RORB: variants seen among roughly 807,000 people sequenced by gnomAD.
RORB encodes RAR related orphan receptor B.
Under a neutral mutation model 59.1 loss-of-function variants are expected in RORB, and 6 were observed. The observed-to-expected ratio is 0.10, with a 90% CI of 0.06 to 0.20. The LOEUF is 0.20. Among genes scored for constraint, RORB ranks in the 10% least tolerant of loss-of-function variants. The pLI, the probability that RORB is intolerant of heterozygous loss-of-function variation, is 1.00. For missense variants in RORB, 320 were observed against 560.5 expected, an observed-to-expected ratio of 0.57 and a Z score of 4.33; for synonymous variants, 215 against 204.5, an observed-to-expected ratio of 1.05 and a Z score of -0.44.
At chr9:74,573,119 C>T (rs1822577677) in intron 1 of RORB, among the ~76,000 whole-genome samples, 1 of 152,144 alleles carries the variant, frequency 6.6e-6, no homozygotes, top group African/African-American at 2.4e-5. Context: ...TTACTGAAGA[C>T]TAGACAGTTT....
chr9:74,648,875 C>T (rs1019734630), intron 4 of RORB, among the ~76,000 whole-genome samples: 3 of 152,106 alleles, frequency 2.0e-5, no homozygotes, highest in African/African-American at 7.2e-5. Context: ...CGCTTTAGGG[C>T]AAACGCACCT....
At position 74,582,649 on chromosome 9, in the gene RORB, G is replaced by C. The variant is rs563317332; in HGVS notation, c.8-47633G>C. On this transcript the variant is annotated intron_variant, in intron 1 of 9. Transcript: ENST00000376896. ...GGTGGCCCTCTGAGTCTGCATTCTT[G>C]CTTAGCAACAATCAGCTGGATCTGA... 1.2e-4 allele frequency among the ~76,000 whole-genome samples: 18 copies of C among 152,168 alleles called. No individual in the cohort carries two copies. In the Middle Eastern group the frequency reaches 0.01, roughly 86 times the overall value.
At chr9:74,508,093 C>T (rs1825892292) in intron 1 of RORB, among the ~76,000 whole-genome samples, 1 of 151,934 alleles carries the variant, frequency 6.6e-6, no homozygotes, top group African/African-American at 2.4e-5. Flanking sequence ...TTTTTCCCCA[C>T]TTAAATGCTG....
chr9:74,639,757 G>A (rs1055566524), intron 3 of RORB, among the ~76,000 whole-genome samples: 3 of 152,202 alleles, frequency 2.0e-5, no homozygotes, highest in Non-Finnish European at 2.9e-5. Flanking sequence ...AGGGCAGAAG[G>A]GCAGCAAATA....
At chr9:74,642,921 G>T in intron 4 of RORB, 106 bp downstream of exon 4, 4 of 756,360 alleles carry the variant, frequency 5.3e-6, no homozygotes, top group African/African-American at 1.8e-5. Context: ...TGAATTACTT[G>T]GATTCACAGC....
intron 1 of RORB, among the ~76,000 whole-genome samples, chr9:74,598,383 G>GTT (rs1823005179): frequency 2.0e-5 from 3 of 152,118 alleles, no homozygotes; most frequent in African/African-American, 7.2e-5. Flanking sequence ...TCGATCTGCA[G>GTT]TTCAGAGAAA....
intron 2 of RORB, 139 bp from the exon 3 acceptor site, chr9:74,634,492 A>G: frequency 1.4e-6 from 1 of 690,758 alleles, no homozygotes; most frequent in Non-Finnish European, 2.3e-6. Flanking sequence ...TGCAAGCCAT[A>G]CAAGAAGAGG....
In RORB at chr9:74,690,224, A is replaced by C. The variant is rs1481929365; in HGVS notation, c.*4606A>C. On this transcript the variant is annotated 3_prime_UTR_variant, in exon 10 of 10. Transcript: ENST00000376896. Reference sequence around the variant, plus strand: ...GAGTAAAGGCCTGATGTGGGAAACTATGGGGGGTCTTTCAAAAAAAAGCTG... The same window carrying C: ...GAGTAAAGGCCTGATGTGGGAAACTCTGGGGGGTCTTTCAAAAAAAAGCTG... The C allele has an allele frequency of 6.6e-6, 1 of 152,124 alleles. No individual in the cohort carries two copies. The highest frequency in any genetic ancestry group is 1.5e-5 in the Non-Finnish European group (1 of 68,070). The allele number at this position is 152,124 out of a possible 1,614,324, so 9.4% of individuals were successfully genotyped here. A position where few individuals can be genotyped will look rare whatever the true frequency, so the allele number is the denominator to read the frequency against.
chr9:74,517,995 T>C (rs1310047597), intron 1 of RORB, among the ~76,000 whole-genome samples: 3 of 152,030 alleles, frequency 2.0e-5, no homozygotes, highest in Non-Finnish European at 2.9e-5. Context: ...AAGTCATTTG[T>C]CCAAAGTTAC....
rs757209903 is a variant in RORB at position 74,497,955 on chromosome 9, G to A, written c.-22G>A. The A allele has an allele frequency of 5.6e-6, 9 of 1,611,798 alleles. No individual in the cohort carries two copies. In the Admixed American group the frequency reaches 6.7e-5, roughly 12 times the overall value. On this transcript the variant is annotated 5_prime_UTR_variant, in exon 1 of 10. Transcript: ENST00000376896. ...GCTGGGAGCAGCTTCATGACTACGC[G>A]GAGCGGGAGAGCGGCCACACCATGC... is the stretch of plus-strand genomic sequence containing the variant.
At chr9:74,673,548 T>C (rs988030615) in intron 9 of RORB, among the ~76,000 whole-genome samples, 19 of 152,070 alleles carry the variant, frequency 1.2e-4, no homozygotes, top group Non-Finnish European at 2.6e-4. Context: ...CCTAGGAGGG[T>C]AAAATGTTTA....
intron 1 of RORB, among the ~76,000 whole-genome samples, chr9:74,541,457 A>G (rs996572520): frequency 2.6e-4 from 39 of 152,234 alleles, no homozygotes; most frequent in African/African-American, 9.4e-4. Context: ...ACTTAGAGTG[A>G]TGTGCATAGT....
At chr9:74,613,260 C>T (rs1478881438) in intron 1 of RORB, among the ~76,000 whole-genome samples, 2 of 152,200 alleles carry the variant, frequency 1.3e-5, no homozygotes, top group Non-Finnish European at 2.9e-5. Context: ...TGATTTCAGA[C>T]ATGAGTAGCC....
rs532107689 is a variant in RORB at position 74,600,712 on chromosome 9, G to C, written c.8-29570G>C. Among the ~76,000 whole-genome samples, 27 of 152,266 alleles carry C rather than the reference G, an allele frequency of 1.8e-4. 1 individual carries two copies. In the South Asian group the frequency reaches 5.4e-3, roughly 30 times the overall value. On this transcript the variant is annotated intron_variant, in intron 1 of 9. Coordinates refer to ENST00000376896, the MANE Select transcript of RORB (RefSeq NM_006914.4). The stretch of plus-strand genomic sequence containing the variant: ...TTAGAGTTAACAACATTAATATATT[G>C]AAATTTTTTCTTGAAGTATAAGTCC...
At chr9:74,553,916 A>G (rs569638672) in intron 1 of RORB, among the ~76,000 whole-genome samples, 1 of 152,314 alleles carries the variant, frequency 6.6e-6, no homozygotes, top group Admixed American at 6.5e-5. Flanking sequence ...TAGAACTTGA[A>G]GATCTCTTGG....
chr9:74,667,918 T>A lies in RORB; in HGVS notation c.1111+17T>A. 6.7e-7 allele frequency: 1 copy of A among 1,486,312 alleles called. No individual in the cohort carries two copies. Among genetic ancestry groups the A allele is most frequent in the South Asian group, 1.1e-5 (1 of 88,566 alleles). 92.1% of individuals were successfully genotyped at this position (1,486,312 alleles called of 1,614,324 possible). On this transcript the variant is annotated intron_variant, in intron 8 of 9. Transcript: ENST00000376896. ...TATCTCCAGGTAGGGCAGTCTCAGT[T>A]CTCTTACCTTTTTAAAAAACTTGTT...
rs766539793 is a variant in RORB, at chr9:74,642,666, C to G, written c.488C>G (p.Pro163Arg). The G allele has an allele frequency of 7.4e-6, 12 of 1,614,176 alleles. No individual in the cohort carries two copies. Among genetic ancestry groups the G allele is most frequent in the Middle Eastern group, 1.6e-4 (1 of 6,062 alleles). Residue 163 changes from proline to arginine, a missense_variant, in exon 4 of 10, where the codon CCG becomes CGG. By Grantham distance (103) the Pro-to-Arg change is moderately radical. Transcript: ENST00000376896. ...EGYYNVDSGQ[P>R]SPDQSGLDMT... is the part of the protein sequence containing the mutation. ...TATTACAACGTCGATTCCGGTCAGC[C>G]GTCCCCTGATCAGTCAGGACTTGAC...
At chr9:74,588,974 G>A (rs1376389481) in intron 1 of RORB, among the ~76,000 whole-genome samples, 2 of 151,860 alleles carry the variant, frequency 1.3e-5, no homozygotes, top group African/African-American at 4.8e-5. Flanking sequence ...AAGAAGTGAA[G>A]GCTTCATGTT....
chr9:74,618,993 A>G (rs750942680), intron 1 of RORB, among the ~76,000 whole-genome samples: 20 of 152,218 alleles, frequency 1.3e-4, no homozygotes, highest in Non-Finnish European at 2.6e-4. Context: ...AAAAGGTGGC[A>G]ATTTCATATG....
Sources: gnomAD v4.1 joint callset for allele counts (sites outside exome capture counted in the v4.1 genomes callset) on GRCh38, gnomAD v4.1.1 for gene constraint, MANE v1.5 for transcripts, NCBI Gene and HGNC (gene_info 2026-07-23, HGNC 2026-07-21) for gene names.